ACER3: variants seen among roughly 807,000 people sequenced by gnomAD.
The protein encoded by ACER3 is alkCDase 3.
ACER3 carries 16 observed loss-of-function variants against 48.9 expected under a neutral mutation model. The ratio of observed to expected loss-of-function variants is 0.33; its 90% CI spans 0.22 to 0.50. The LOEUF is 0.50. Ranked by LOEUF, ACER3 falls within the 20% of genes least tolerant of loss-of-function variation. ACER3 has a pLI of 0.98. For missense variants in ACER3, 227 were observed against 326.0 expected, an observed-to-expected ratio of 0.70 and a Z score of 2.34; for synonymous variants, 109 against 107.8, an observed-to-expected ratio of 1.01 and a Z score of -0.07.
At chr11:76,992,213 A>G (rs1948819722) in intron 6 of ACER3, among the ~76,000 whole-genome samples, 1 of 152,202 alleles carries the variant, frequency 6.6e-6, no homozygotes, top group African/African-American at 2.4e-5. Context: ...CCCAGGCAAC[A>G]TATCTCTTAA....
intron 2 of ACER3, among the ~76,000 whole-genome samples, chr11:76,938,971 A>AAAAAAAAAG (rs1469513740): frequency 1.8e-4 from 2 of 10,898 alleles, no homozygotes; most frequent in African/African-American, 5.4e-4. Context: ...AGAAAGTGCT[A>AAAAAAAAAG]AAAAAAATGA....
chr11:77,025,496 C>T lies in ACER3; in HGVS notation c.*5169C>T, dbSNP rs1357263868. 1 of 151,468 alleles carries T rather than the reference C, an allele frequency of 6.6e-6. No individual in the cohort carries two copies. Among genetic ancestry groups the T allele is most frequent in the Non-Finnish European group, 1.5e-5 (1 of 68,008 alleles). The allele number at this position is 151,468 out of a possible 1,614,324, so 9.4% of individuals were successfully genotyped here. On this transcript the variant is annotated 3_prime_UTR_variant, in exon 11 of 11. Transcript: ENST00000532485. ...GATCTCAACTCATTGCAACCTCCGC[C>T]TCCCAAGGTTCAAGCGATTCTCCTG...
chr11:76,967,818 A>C (rs974025432), intron 3 of ACER3, among the ~76,000 whole-genome samples: 3 of 152,194 alleles, frequency 2.0e-5, no homozygotes, highest in Non-Finnish European at 4.4e-5. Context: ...ACTTATGACA[A>C]ACCCACAGCC....
rs114874830 is a variant in ACER3, at chr11:76,958,891, A to G, written c.215-88A>G. 4.1e-3 allele frequency: 5,883 copies of G among 1,419,660 alleles called. 216 individuals are homozygous for G. In the African/African-American group the frequency reaches 0.075, roughly 18 times the overall value. 87.9% of individuals were successfully genotyped at this position (1,419,660 alleles called of 1,614,324 possible). ...TATAAACTTCATTATCCTTAACTCAATGCTTTGAAATGTCTTATTGTCTTC... is the reference window on the plus strand; with the variant it reads ...TATAAACTTCATTATCCTTAACTCAGTGCTTTGAAATGTCTTATTGTCTTC... On this transcript the variant is annotated intron_variant, in intron 2 of 10. Coordinates refer to ENST00000532485, the MANE Select transcript of ACER3 (RefSeq NM_018367.7).
intron 1 of ACER3, among the ~76,000 whole-genome samples, chr11:76,925,412 C>T (rs12273084): frequency 0.011 from 1,635 of 152,282 alleles, 35 homozygotes; most frequent in African/African-American, 0.037. Flanking sequence ...TTATAGAGGA[C>T]TGGTTGAATG....
intron 9 of ACER3, 62 bp from the exon 10 acceptor site, chr11:77,019,669 C>T (rs1029243913): frequency 2.1e-5 from 32 of 1,511,282 alleles, no homozygotes; most frequent in Middle Eastern, 3.4e-4. Flanking sequence ...TTTGTCAGTA[C>T]GCCAGTTTGC....
At chr11:77,017,511 T>C (rs1555023590) in intron 9 of ACER3, among the ~76,000 whole-genome samples, 2 of 152,184 alleles carry the variant, frequency 1.3e-5, no homozygotes, top group Non-Finnish European at 2.9e-5. Context: ...TATTCATGGA[T>C]TAAAAGACAA....
At chr11:76,882,564 C>T (rs1195961002) in intron 1 of ACER3, among the ~76,000 whole-genome samples, 2 of 152,072 alleles carry the variant, frequency 1.3e-5, no homozygotes, top group Non-Finnish European at 2.9e-5. Context: ...CTAGTTATAG[C>T]GATTTATTTA....
chr11:76,885,823 T>A (rs1323620927), intron 1 of ACER3, among the ~76,000 whole-genome samples: 3 of 152,146 alleles, frequency 2.0e-5, no homozygotes, highest in Non-Finnish European at 4.4e-5. Flanking sequence ...CTTTGCTATC[T>A]GGCTAGCTCT....
intron 1 of ACER3, 63 bp from the exon 2 acceptor site, chr11:76,926,494 A>G: frequency 1.1e-6 from 1 of 938,414 alleles, no homozygotes; most frequent in Non-Finnish European, 1.7e-6. Context: ...GCCTACGTGA[A>G]TGTATCTTTA....
At chr11:76,893,042 A>G (rs1945846416) in intron 1 of ACER3, among the ~76,000 whole-genome samples, 1 of 152,234 alleles carries the variant, frequency 6.6e-6, no homozygotes, top group African/African-American at 2.4e-5. Context: ...ATAAATCAAG[A>G]ATGCAACCTC....
chr11:76,975,434 A>C (rs926030236), intron 3 of ACER3, among the ~76,000 whole-genome samples: 2 of 152,180 alleles, frequency 1.3e-5, no homozygotes, highest in Non-Finnish European at 2.9e-5. Context: ...TACTATTATT[A>C]TCATTGCTAA....
intron 1 of ACER3, among the ~76,000 whole-genome samples, chr11:76,893,574 A>G (rs1312449319): frequency 6.6e-6 from 1 of 152,098 alleles, no homozygotes; most frequent in Non-Finnish European, 1.5e-5. Context: ...AATCCCAGCT[A>G]CCAGGAAGGC....
chr11:76,875,744 T>TG (rs1242886924), intron 1 of ACER3, among the ~76,000 whole-genome samples: 5 of 135,882 alleles, frequency 3.7e-5, no homozygotes, highest in African/African-American at 8.5e-5. Context: ...TTTTTTTTTT[T>TG]TTTTTTTTTT....
intron 2 of ACER3, among the ~76,000 whole-genome samples, chr11:76,954,979 G>T (rs7942574): frequency 6.6e-6 from 1 of 151,984 alleles, no homozygotes; most frequent in African/African-American, 2.4e-5. Context: ...ACTTATCCCA[G>T]TGGAAATGCT....
Position 76,931,978 on chromosome 11 carries a change from G to A in ACER3, c.214+5311G>A, listed in dbSNP as rs540272534. ...CTTTTTTTTTTTTTTTGACAGAGTCGCACTCTGTCACCCAGGCTGGAGTGT... is the reference window on the plus strand; with the variant it reads ...CTTTTTTTTTTTTTTTGACAGAGTCACACTCTGTCACCCAGGCTGGAGTGT... On this transcript the variant is annotated intron_variant, in intron 2 of 10. Transcript: ENST00000532485. 1.3e-4 allele frequency among the ~76,000 whole-genome samples: 18 copies of A among 141,316 alleles called. No individual in the cohort carries two copies. In the East Asian group the frequency reaches 2.4e-3, roughly 19 times the overall value. 92.7% of individuals were successfully genotyped at this position (141,316 alleles called of 152,430 possible).
intron 1 of ACER3, among the ~76,000 whole-genome samples, chr11:76,919,747 T>C (rs1946638217): frequency 6.6e-6 from 1 of 152,176 alleles, no homozygotes. Flanking sequence ...AATACTTTAG[T>C]TTTCAGTTAT....
At chr11:76,870,771 A>G (rs1194791419) in intron 1 of ACER3, among the ~76,000 whole-genome samples, 1 of 152,210 alleles carries the variant, frequency 6.6e-6, no homozygotes, top group African/African-American at 2.4e-5. Context: ...TCTAGATACT[A>G]TTACCATGCT....
In ACER3 at chr11:76,959,014, C is replaced by T; in HGVS notation, c.250C>T (p.Leu84=). Reference sequence around the variant, plus strand: ...GGGATCCTGGTGCTTCCACATGACTCTGAAATATGAAATGCAGGTTAGTAA... The same window carrying T: ...GGGATCCTGGTGCTTCCACATGACTTTGAAATATGAAATGCAGGTTAGTAA... The part of the protein sequence containing the change: ...GMGSWCFHMT[L]KYEMQLLDEL... The change falls in exon 3 of 11, where the codon CTG becomes TTG. Residue 84 remains leucine (L), a synonymous_variant. Coordinates refer to ENST00000532485, the MANE Select transcript of ACER3 (RefSeq NM_018367.7). The T allele has an allele frequency of 1.9e-6, 3 of 1,613,948 alleles. No homozygotes were observed. The highest frequency in any genetic ancestry group is 2.5e-6 in the Non-Finnish European group (3 of 1,179,988).
Sources: gnomAD v4.1 joint callset for allele counts (sites outside exome capture counted in the v4.1 genomes callset) on GRCh38, gnomAD v4.1.1 for gene constraint, MANE v1.5 for transcripts, NCBI Gene and HGNC (gene_info 2026-07-23, HGNC 2026-07-21) for gene names.